Variants in AMMECR1 observed in about 807,000 individuals in gnomAD.
The protein encoded by AMMECR1 is nuclear protein AMMECR1.
AMMECR1 carries 3 observed loss-of-function variants against 22.5 expected under a neutral mutation model. The observed-to-expected ratio is 0.13, with a 90% CI of 0.06 to 0.35. AMMECR1 has a LOEUF of 0.35. AMMECR1 is among the 10% of genes least tolerant of loss of function. The pLI, the probability that AMMECR1 is intolerant of heterozygous loss-of-function variation, is 1.00. For synonymous variants in AMMECR1, 130 were observed against 116.7 expected (o/e 1.11, Z -0.74); for missense variants, 235 against 278.7 (o/e 0.84, Z 1.12).
At chrX:110,341,726 G>C (rs2068164944) in intron 2 of AMMECR1, among the ~76,000 whole-genome samples, 1 of 111,922 alleles carries the variant, frequency 8.9e-6, no homozygotes, top group South Asian at 3.8e-4. Context: ...TAGTGAGGCT[G>C]GAAATTCGGA....
chrX:110,234,089 A>G (rs1318300992), intron 2 of AMMECR1, among the ~76,000 whole-genome samples: 4 of 112,339 alleles, frequency 3.6e-5, no homozygotes, highest in Admixed American at 9.4e-5. Flanking sequence ...CCACTGTCTC[A>G]GCCCAAAATC....
At chrX:110,334,051 C>A in intron 2 of AMMECR1, among the ~76,000 whole-genome samples, 1 of 111,637 alleles carries the variant, frequency 9.0e-6, no homozygotes, top group Non-Finnish European at 1.9e-5. Context: ...AATATCAATT[C>A]CTTATCAGAT....
chrX:110,230,715 G>C (rs147449219), intron 2 of AMMECR1, among the ~76,000 whole-genome samples: 1,967 of 111,604 alleles, frequency 0.018, 49 homozygotes, highest in East Asian at 0.15. Flanking sequence ...TCAGAAGGTC[G>C]GTAACAACAA....
intron 3 of AMMECR1, among the ~76,000 whole-genome samples, chrX:110,205,733 T>C (rs1426858490): frequency 9.0e-6 from 1 of 111,473 alleles, no homozygotes; most frequent in Non-Finnish European, 1.9e-5. Flanking sequence ...GCTTTCGAGG[T>C]CCATCAGTTG....
chrX:110,308,871 CAA>C (rs1274591418), intron 1 of AMMECR1, among the ~76,000 whole-genome samples: 1 of 111,366 alleles, frequency 9.0e-6, no homozygotes, highest in Admixed American at 9.5e-5. Flanking sequence ...GGAAAAAAGG[CAA>C]AGACTTCATG....
rs761139091 is a variant in AMMECR1 at position 110,247,691 on chromosome X, C to CAA, written c.584+16796_584+16797dup. Among the ~76,000 whole-genome samples the CAA allele has an allele frequency of 5.8e-3, 512 of 88,767 alleles. 3 individuals are homozygous for CAA. The highest frequency in any genetic ancestry group is 0.02 in the African/African-American group (498 of 24,344). 77.1% of individuals were successfully genotyped at this position (88,767 alleles called of 115,157 possible). A position where few individuals can be genotyped will look rare whatever the true frequency, so the allele number is the denominator to read the frequency against. ...AGGCAACAGGAGTGAAACCCTGTCT[C>CAA]AAAAAAAAAAAAACAAACAAAAACG... On this transcript the variant is annotated intron_variant, in intron 2 of 5. Coordinates refer to ENST00000262844, the MANE Select transcript of AMMECR1 (RefSeq NM_015365.3).
At chrX:110,309,332 T>C (rs2068013408) in intron 1 of AMMECR1, 1 of 111,947 alleles carries the variant, frequency 8.9e-6, no homozygotes, top group Non-Finnish European at 1.9e-5. Flanking sequence ...CACTAGAAAA[T>C]ATGTTACTAA....
At chrX:110,336,690 C>T (rs960399303) in intron 2 of AMMECR1, among the ~76,000 whole-genome samples, 1 of 109,283 alleles carries the variant, frequency 9.2e-6, no homozygotes, top group African/African-American at 3.3e-5. Flanking sequence ...CAGAGCAAGA[C>T]TCCGTCTCAA....
intron 2 of AMMECR1, among the ~76,000 whole-genome samples, chrX:110,324,746 T>C (rs2068091738): frequency 9.1e-6 from 1 of 110,401 alleles, no homozygotes; most frequent in African/African-American, 3.3e-5. Context: ...GTTCTTTATG[T>C]TGTTGATGTG....
chrX:110,318,937 G>A (rs752757271), upstream of AMMECR1, among the ~76,000 whole-genome samples: 4 of 112,293 alleles, frequency 3.6e-5, no homozygotes, highest in Admixed American at 2.8e-4. Flanking sequence ...TGTGCTTTGG[G>A]ACTTGCAGTG....
At chrX:110,324,459 T>C (rs1176568156) in intron 2 of AMMECR1, among the ~76,000 whole-genome samples, 6 of 111,504 alleles carry the variant, frequency 5.4e-5, no homozygotes, top group African/African-American at 2.0e-4. Flanking sequence ...TTTTCTCTTG[T>C]CTAATTGCTT....
At chrX:110,417,877 T>C (rs2068688953) in intron 2 of AMMECR1, among the ~76,000 whole-genome samples, 1 of 112,560 alleles carries the variant, frequency 8.9e-6, no homozygotes, top group Non-Finnish European at 1.9e-5. Flanking sequence ...CCTTGGGAAG[T>C]GATGGAGTTG....
intron 2 of AMMECR1, among the ~76,000 whole-genome samples, chrX:110,242,521 T>C (rs2067638620): frequency 8.9e-6 from 1 of 112,053 alleles, no homozygotes. Flanking sequence ...CTTTATATGC[T>C]GGGTTAATCA....
At chrX:110,296,356 T>C in intron 1 of AMMECR1, among the ~76,000 whole-genome samples, 1 of 112,094 alleles carries the variant, frequency 8.9e-6, no homozygotes, top group Admixed American at 9.5e-5. Flanking sequence ...TTGACTATCA[T>C]TGTATCTGGG....
At chrX:110,430,880 C>T (rs1319416065) in intron 1 of AMMECR1, among the ~76,000 whole-genome samples, 1 of 112,133 alleles carries the variant, frequency 8.9e-6, no homozygotes, top group Non-Finnish European at 1.9e-5. Flanking sequence ...AGACATCTTT[C>T]ACCTTGTGTT....
intron 2 of AMMECR1, among the ~76,000 whole-genome samples, chrX:110,325,647 T>C (rs1419006532): frequency 3.6e-5 from 4 of 112,330 alleles, no homozygotes; most frequent in Non-Finnish European, 3.8e-5. Flanking sequence ...TATCATCCCA[T>C]TTCTGATTTT....
At chrX:110,326,886 A>G (rs2068099965) in intron 2 of AMMECR1, among the ~76,000 whole-genome samples, 1 of 111,593 alleles carries the variant, frequency 9.0e-6, no homozygotes, top group Admixed American at 9.5e-5. Context: ...AAAAGAAAGG[A>G]GAATTTCCAT....
intron 2 of AMMECR1, among the ~76,000 whole-genome samples, chrX:110,263,304 C>T (rs2067751708): frequency 9.0e-6 from 1 of 111,359 alleles, no homozygotes; most frequent in South Asian, 3.7e-4. Flanking sequence ...CCCTTACAGC[C>T]TGTATGTTAT....
intron 2 of AMMECR1, among the ~76,000 whole-genome samples, chrX:110,221,886 C>G (rs2067502182): frequency 9.2e-6 from 1 of 108,791 alleles, no homozygotes; most frequent in African/African-American, 3.3e-5. Flanking sequence ...CAAATCAAAA[C>G]CACAATGAGA....
Sources: allele counts gnomAD v4.1 joint callset (sites outside exome capture counted in the v4.1 genomes callset), GRCh38; gene constraint gnomAD v4.1.1; transcripts MANE v1.5; gene names NCBI Gene and HGNC (gene_info 2026-07-23, HGNC 2026-07-21).